CNBD1: variants seen among roughly 807,000 people sequenced by gnomAD.
The protein encoded by CNBD1 is cyclic nucleotide binding domain containing 1.
Under a neutral mutation model 54.4 loss-of-function variants are expected in CNBD1, and 71 were observed. The observed-to-expected ratio is 1.30, with a 90% confidence interval of 1.08 to 1.59. CNBD1 has a LOEUF of 1.59. Ranked by LOEUF, CNBD1 falls within the 40% of genes most tolerant of loss-of-function variation. The probability of loss-of-function intolerance (pLI) is 0.00; values close to 1 mark genes in which losing one functional copy is unlikely to be tolerated. For missense variants in CNBD1, 659 were observed against 518.0 expected (o/e 1.27, Z -2.64); for synonymous variants, 182 against 170.7 (o/e 1.07, Z -0.51).
chr8:87,310,980 C>G lies in CNBD1; in HGVS notation c.1042+24309C>G, dbSNP rs550989806. Among the ~76,000 whole-genome samples the G allele has an allele frequency of 1.5e-4, 23 of 152,124 alleles. No individual in the cohort carries two copies. The South Asian group carries it at 4.6e-3, about 30-fold the overall frequency. ...TGGAGAGAAGACTGAAGCCTAAGAC[C>G]TCAAAATATAAGAACCCTAGGAGAA... On this transcript the variant is annotated intron_variant, in intron 8 of 10. Transcript: ENST00000518476.
chr8:87,338,114 T>C (rs555523302), intron 8 of CNBD1, among the ~76,000 whole-genome samples: 1 of 152,322 alleles, frequency 6.6e-6, no homozygotes, highest in South Asian at 2.1e-4. Flanking sequence ...AAACCTAATC[T>C]GATTCTAATT....
intron 8 of CNBD1, among the ~76,000 whole-genome samples, chr8:87,297,181 A>G (rs1247012641): frequency 6.7e-6 from 1 of 150,250 alleles, no homozygotes; most frequent in Non-Finnish European, 1.5e-5. Context: ...AAAAAAAAAA[A>G]AAAAGGAAAA....
At chr8:87,210,108 G>A (rs540334443) in intron 5 of CNBD1, among the ~76,000 whole-genome samples, 1 of 152,258 alleles carries the variant, frequency 6.6e-6, no homozygotes, top group South Asian at 2.1e-4. Context: ...GGAGATAAAT[G>A]GTGTTTGAAT....
In CNBD1 at chr8:87,351,736, G is replaced by T; in HGVS notation, c.1094G>T (p.Gly365Val). Reference sequence around the variant, plus strand: ...TCTTTTGTGGGTTATATTAACTCTGGATGCTGTAACATTTATAGAAGTATT... The same window carrying T: ...TCTTTTGTGGGTTATATTAACTCTGTATGCTGTAACATTTATAGAAGTATT... ...IISFVGYINS[G>V]CCNIYRSIIG... Residue 365 changes from glycine (G) to valine (V), a missense_variant, in exon 9 of 11, where the codon GGA becomes GTA. Gly to Val is a moderately radical substitution (Grantham distance 109, BLOSUM62 -3). Transcript: ENST00000518476. 1 of 1,535,012 alleles carries T rather than the reference G, an allele frequency of 6.5e-7. No individual in the cohort carries two copies. The highest frequency in any genetic ancestry group is 1.3e-5 in the South Asian group (1 of 77,422).
At chr8:87,406,447 TACACACACACAC>T (rs36222951) in intron 2 of CNBD1, among the ~76,000 whole-genome samples, 16 of 122,166 alleles carry the variant, frequency 1.3e-4, no homozygotes, top group East Asian at 4.4e-4. Flanking sequence ...TATGTGTGTA[TACACACACACAC>T]ACACACACAC....
At position 87,090,296 on chromosome 8, in the gene CNBD1, A is replaced by G. The variant is rs565040067; in HGVS notation, c.432-115697A>G. Among the ~76,000 whole-genome samples the G allele has an allele frequency of 7.9e-5, 12 of 152,266 alleles. No individual in the cohort carries two copies. In the South Asian group the frequency reaches 2.3e-3, roughly 29 times the overall value. ...TAATATATTGTCTCTTAAGAATGCT[A>G]ACTTATTTTGAATGACTGTCTTGTG... On this transcript the variant is annotated intron_variant, in intron 4 of 10. Transcript: ENST00000518476.
chr8:87,332,288 C>T (rs927912931), intron 8 of CNBD1, among the ~76,000 whole-genome samples: 1 of 149,226 alleles, frequency 6.7e-6, no homozygotes, highest in Non-Finnish European at 1.5e-5. Flanking sequence ...GCGGAGGTTG[C>T]AGTGAGCTGA....
At chr8:87,421,233 ATTTT>A (rs927946570) in intron 2 of CNBD1, among the ~76,000 whole-genome samples, 2 of 149,980 alleles carry the variant, frequency 1.3e-5, no homozygotes, top group Non-Finnish European at 1.5e-5. Flanking sequence ...TTTCTTTTTT[ATTTT>A]TTTATTTATG....
intron 10 of CNBD1, among the ~76,000 whole-genome samples, chr8:87,363,504 C>T (rs1391300261): frequency 6.6e-6 from 1 of 152,126 alleles, no homozygotes; most frequent in Admixed American, 6.6e-5. Flanking sequence ...TCCTCTCCAG[C>T]ATCTGTTCAT....
At chr8:87,195,512 G>A (rs972447110) in intron 4 of CNBD1, among the ~76,000 whole-genome samples, 4 of 150,470 alleles carry the variant, frequency 2.7e-5, no homozygotes, top group Non-Finnish European at 4.4e-5. Flanking sequence ...ACAGGCGTAA[G>A]TCACCATGCC....
At chr8:87,075,507 A>G (rs1393679533) in intron 4 of CNBD1, among the ~76,000 whole-genome samples, 1 of 152,208 alleles carries the variant, frequency 6.6e-6, no homozygotes, top group Non-Finnish European at 1.5e-5. Context: ...GTCCTCATTC[A>G]TCATGATTGC....
At chr8:87,004,015 A>AC (rs1206771375) in intron 4 of CNBD1, among the ~76,000 whole-genome samples, 4 of 152,230 alleles carry the variant, frequency 2.6e-5, no homozygotes, top group Non-Finnish European at 5.9e-5. Flanking sequence ...ACAGGTCAAG[A>AC]ATCAGCAAAA....
At chr8:87,108,269 G>A (rs1035550588) in intron 4 of CNBD1, among the ~76,000 whole-genome samples, 31 of 152,038 alleles carry the variant, frequency 2.0e-4, no homozygotes, top group East Asian at 1.9e-4. Flanking sequence ...AAGTGAAATC[G>A]TAATACTACA....
At chr8:87,199,736 C>G (rs1813812743) in intron 4 of CNBD1, among the ~76,000 whole-genome samples, 1 of 152,184 alleles carries the variant, frequency 6.6e-6, no homozygotes, top group African/African-American at 2.4e-5. Flanking sequence ...AGGGGTTTTA[C>G]ACACCAAATT....
intron 3 of CNBD1, among the ~76,000 whole-genome samples, chr8:86,922,837 A>C (rs1809297115): frequency 6.6e-6 from 1 of 152,138 alleles, no homozygotes; most frequent in African/African-American, 2.4e-5. Context: ...GTCACGGAGC[A>C]ACCAGGAGTG....
intron 10 of CNBD1, among the ~76,000 whole-genome samples, chr8:87,365,606 A>G (rs915410909): frequency 6.6e-6 from 1 of 152,104 alleles, no homozygotes; most frequent in African/African-American, 2.4e-5. Context: ...TTGCCATGCC[A>G]TGTCTAACAA....
At chr8:87,233,261 C>A (rs1366723669) in intron 5 of CNBD1, among the ~76,000 whole-genome samples, 2 of 152,230 alleles carry the variant, frequency 1.3e-5, no homozygotes, top group South Asian at 2.1e-4. Flanking sequence ...AAAATCAGTC[C>A]TTCTCCTGCC....
intron 6 of CNBD1, among the ~76,000 whole-genome samples, chr8:87,281,704 A>G (rs377610783): frequency 6.7e-6 from 1 of 149,868 alleles, no homozygotes; most frequent in Admixed American, 6.7e-5. Flanking sequence ...TCTGGGTAAG[A>G]CACTGCATAC....
At chr8:87,157,827 T>C (rs1007156090) in intron 4 of CNBD1, among the ~76,000 whole-genome samples, 6 of 152,164 alleles carry the variant, frequency 3.9e-5, no homozygotes, top group African/African-American at 1.4e-4. Flanking sequence ...ATTTCTGAAA[T>C]GCAAAAGAAT....
Sources: gnomAD v4.1 joint callset for allele counts (sites outside exome capture counted in the v4.1 genomes callset) on GRCh38, gnomAD v4.1.1 for gene constraint, MANE v1.5 for transcripts, NCBI Gene and HGNC (gene_info 2026-07-23, HGNC 2026-07-21) for gene names.